LHFPL3: variants seen among roughly 807,000 people sequenced by gnomAD.
LHFPL3 encodes LHFPL tetraspan subfamily member 3 protein.
LHFPL3 carries 5 observed loss-of-function variants against 19.3 expected under a neutral mutation model. That is an observed-to-expected ratio of 0.26 (90% CI 0.14 to 0.54). The LOEUF (loss-of-function observed/expected upper bound fraction) is 0.54, where lower values mean the gene tolerates loss of function less well. Among genes scored for constraint, LHFPL3 ranks in the 20% least tolerant of loss-of-function variants. The probability of loss-of-function intolerance (pLI) is 0.94; values close to 1 mark genes in which losing one functional copy is unlikely to be tolerated. For missense variants in LHFPL3, 249 were observed against 307.4 expected (o/e 0.81, Z 1.42); for synonymous variants, 133 against 126.2 (o/e 1.05, Z -0.36).
At chr7:104,451,468 GTT>G (rs1467528534) in intron 1 of LHFPL3, among the ~76,000 whole-genome samples, 11 of 151,960 alleles carry the variant, frequency 7.2e-5, no homozygotes, top group Non-Finnish European at 1.6e-4. Context: ...GTTGTTCTCT[GTT>G]TGTCTTCTGC....
intron 1 of LHFPL3, among the ~76,000 whole-genome samples, chr7:104,680,805 G>A (rs1792680480): frequency 6.6e-6 from 1 of 152,136 alleles, no homozygotes; most frequent in Non-Finnish European, 1.5e-5. Flanking sequence ...AAAAGAAGAA[G>A]AAAAGAAGGG....
At chr7:104,653,175 A>G (rs964227407) in intron 1 of LHFPL3, among the ~76,000 whole-genome samples, 20 of 152,230 alleles carry the variant, frequency 1.3e-4, no homozygotes, top group African/African-American at 4.1e-4. Context: ...CAGTTGGGGT[A>G]CATGAAATCG....
At chr7:104,523,023 T>TACATATACAC (rs1402621300) in intron 1 of LHFPL3, among the ~76,000 whole-genome samples, 48 of 151,422 alleles carry the variant, frequency 3.2e-4, no homozygotes, top group African/African-American at 1.1e-3. Flanking sequence ...TGCACATATA[T>TACATATACAC]ACATATACAC....
chr7:104,568,249 G>A (rs1321916127), intron 1 of LHFPL3, among the ~76,000 whole-genome samples: 2 of 152,168 alleles, frequency 1.3e-5, no homozygotes, highest in Non-Finnish European at 2.9e-5. Flanking sequence ...AACTCCCAAG[G>A]TGATTCTGAT....
chr7:104,750,646 A>G (rs34014102), intron 2 of LHFPL3, among the ~76,000 whole-genome samples: 3,445 of 152,338 alleles, frequency 0.023, 48 homozygotes, highest in Non-Finnish European at 0.035. Context: ...CTCCCCTGGA[A>G]GCAGAGAGAC....
intron 1 of LHFPL3, among the ~76,000 whole-genome samples, chr7:104,590,765 T>G (rs1790697971): frequency 6.6e-6 from 1 of 152,206 alleles, no homozygotes. Flanking sequence ...TTTGTAGGTC[T>G]CTAAGGACTT....
In LHFPL3 at chr7:104,880,958, C is replaced by T. The variant is rs192163942; in HGVS notation, c.683-25229C>T. ...GGCCAAGGCGGGTGAATCACGAGGTCAGGAGATCAAGACCTTCCTGGCTAA... is the reference window on the plus strand; with the variant it reads ...GGCCAAGGCGGGTGAATCACGAGGTTAGGAGATCAAGACCTTCCTGGCTAA... On this transcript the variant is annotated intron_variant, in intron 2 of 2. Coordinates refer to ENST00000424859, the MANE Select transcript of LHFPL3 (RefSeq NM_199000.3). Among the ~76,000 whole-genome samples, 1,340 of 152,134 alleles carry T rather than the reference C, an allele frequency of 8.8e-3. 10 individuals carry two copies. Among genetic ancestry groups the T allele is most frequent in the Non-Finnish European group, 0.014 (976 of 67,994 alleles).
chr7:104,835,471 A>G (rs1050953637), intron 2 of LHFPL3, among the ~76,000 whole-genome samples: 1 of 151,858 alleles, frequency 6.6e-6, no homozygotes, highest in South Asian at 2.1e-4. Context: ...TCACTCCTTC[A>G]TCTATTCATT....
intron 1 of LHFPL3, among the ~76,000 whole-genome samples, chr7:104,595,160 T>A (rs1412773232): frequency 1.3e-5 from 2 of 152,250 alleles, no homozygotes; most frequent in African/African-American, 4.8e-5. Context: ...CTCTGGTTTC[T>A]CCCCATCTTT....
At chr7:104,630,239 C>T (rs892401564) in intron 1 of LHFPL3, among the ~76,000 whole-genome samples, 19 of 152,026 alleles carry the variant, frequency 1.2e-4, no homozygotes, top group Non-Finnish European at 2.9e-5. Context: ...GCTGGGGGCA[C>T]ATACAGGACA....
At chr7:104,493,443 C>T (rs1248906983) in intron 1 of LHFPL3, among the ~76,000 whole-genome samples, 3 of 151,900 alleles carry the variant, frequency 2.0e-5, no homozygotes, top group Non-Finnish European at 4.4e-5. Context: ...AATTTCAGTG[C>T]TCATCCTCTC....
chr7:104,595,847 T>C (rs998586618), intron 1 of LHFPL3, among the ~76,000 whole-genome samples: 3 of 152,250 alleles, frequency 2.0e-5, no homozygotes, highest in African/African-American at 7.2e-5. Flanking sequence ...CAAGGCTCCA[T>C]GGGCATGGGC....
intron 1 of LHFPL3, among the ~76,000 whole-genome samples, chr7:104,411,622 AAACAAAATTTGCTCTTTTC>A (rs1791536830): frequency 6.6e-6 from 1 of 152,144 alleles, no homozygotes; most frequent in South Asian, 2.1e-4. Context: ...AGTCCTTAGA[AAACAAAATTTGCTCTTTTC>A]AACCTCGTTA....
chr7:104,646,399 G>C (rs192521469), intron 1 of LHFPL3, among the ~76,000 whole-genome samples: 6 of 152,282 alleles, frequency 3.9e-5, no homozygotes. Flanking sequence ...CATTGTGAGT[G>C]AAGAAAAATA....
At chr7:104,590,062 C>A (rs1037235804) in intron 1 of LHFPL3, among the ~76,000 whole-genome samples, 1 of 151,960 alleles carries the variant, frequency 6.6e-6, no homozygotes, top group Non-Finnish European at 1.5e-5. Context: ...CAAAAAACCA[C>A]CTCCTGGATT....
At chr7:104,448,198 T>G (rs1792367917) in intron 1 of LHFPL3, among the ~76,000 whole-genome samples, 1 of 152,192 alleles carries the variant, frequency 6.6e-6, no homozygotes, top group Non-Finnish European at 1.5e-5. Flanking sequence ...GTAAACATTT[T>G]TGTCTTCACC....
intron 1 of LHFPL3, among the ~76,000 whole-genome samples, chr7:104,646,696 T>A (rs1562957348): frequency 6.6e-6 from 1 of 152,222 alleles, no homozygotes; most frequent in South Asian, 2.1e-4. Flanking sequence ...GACTGAGCTA[T>A]TGAATGTTTA....
intron 1 of LHFPL3, among the ~76,000 whole-genome samples, chr7:104,640,617 A>T (rs1414583651): frequency 1.3e-5 from 2 of 152,232 alleles, no homozygotes; most frequent in Non-Finnish European, 2.9e-5. Context: ...AATGATTTAT[A>T]GTCCTCTGGG....
intron 2 of LHFPL3, among the ~76,000 whole-genome samples, chr7:104,797,619 T>C (rs1336160087): frequency 6.6e-6 from 1 of 151,874 alleles, no homozygotes; most frequent in African/African-American, 2.4e-5. Context: ...TTGATAAAAC[T>C]ATAGACAACA....
Sources: allele counts gnomAD v4.1 joint callset (sites outside exome capture counted in the v4.1 genomes callset), GRCh38; gene constraint gnomAD v4.1.1; transcripts MANE v1.5; gene names NCBI Gene and HGNC (gene_info 2026-07-23, HGNC 2026-07-21).